The following LSAMP variants were observed in gnomAD, a reference collection of about 807,000 sequenced individuals.
LSAMP encodes limbic system associated membrane protein, also known as limbic system-associated membrane protein.
LSAMP carries 7 observed loss-of-function variants against 38.6 expected under a neutral mutation model. That is an observed-to-expected ratio of 0.18 (90% CI 0.10 to 0.34). The LOEUF is 0.34. Among genes scored for constraint, LSAMP ranks in the 10% least tolerant of loss-of-function variants. The pLI, the probability that LSAMP is intolerant of heterozygous loss-of-function variation, is 1.00. For synonymous variants in LSAMP, 154 were observed against 166.8 expected (o/e 0.92, Z 0.59); for missense variants, 313 against 420.0 (o/e 0.75, Z 2.23).
intron 3 of LSAMP, among the ~76,000 whole-genome samples, chr3:115,875,690 T>G (rs1936162632): frequency 6.6e-6 from 1 of 152,096 alleles, no homozygotes; most frequent in Non-Finnish European, 1.5e-5. Flanking sequence ...TTGTCCTCAT[T>G]GTTCTTACCT....
At chr3:116,219,555 A>AT (rs535413616) in intron 1 of LSAMP, among the ~76,000 whole-genome samples, 219 of 152,270 alleles carry the variant, frequency 1.4e-3, no homozygotes, top group African/African-American at 5.1e-3. Context: ...TGGCTACACC[A>AT]TTTTGCATTC....
intron 1 of LSAMP, among the ~76,000 whole-genome samples, chr3:116,273,199 C>T (rs1337762072): frequency 1.3e-5 from 2 of 152,050 alleles, no homozygotes; most frequent in Non-Finnish European, 2.9e-5. Flanking sequence ...CCTATCTCCA[C>T]CTCATCTTAT....
chr3:116,242,299 A>G (rs2046547638), intron 1 of LSAMP, among the ~76,000 whole-genome samples: 1 of 152,248 alleles, frequency 6.6e-6, no homozygotes. Context: ...TCTTTTAATC[A>G]GCTTATTAAA....
chr3:115,931,186 G>A (rs1937575435), intron 3 of LSAMP, among the ~76,000 whole-genome samples: 1 of 152,070 alleles, frequency 6.6e-6, no homozygotes, highest in African/African-American at 2.4e-5. Context: ...CTAACCCAGA[G>A]GAGAGAACTG....
chr3:116,016,303 A>G (rs1244972684), intron 3 of LSAMP, among the ~76,000 whole-genome samples: 1 of 152,204 alleles, frequency 6.6e-6, no homozygotes, highest in Non-Finnish European at 1.5e-5. Context: ...TATTTAGGTC[A>G]CATGTGAAAG....
chr3:115,826,300 A>G (rs1196067730), intron 6 of LSAMP, among the ~76,000 whole-genome samples: 1 of 151,688 alleles, frequency 6.6e-6, no homozygotes, highest in Non-Finnish European at 1.5e-5. Flanking sequence ...ATTTTTTAGT[A>G]GAGACGGGGT....
chr3:116,210,368 A>G lies in LSAMP; in HGVS notation c.156-123812T>C, dbSNP rs186717957. ...TCAACTGCCAGTGCGGCTTGAATAA[A>G]GCAGTCAGGAGAAGGTGGAAGAGCA... On this transcript the variant is annotated intron_variant, in intron 1 of 6. Transcript: ENST00000490035. Among the ~76,000 whole-genome samples the G allele has an allele frequency of 3.3e-5, 5 of 152,312 alleles. No individual in the cohort carries two copies. In the East Asian group the frequency reaches 9.7e-4, roughly 29 times the overall value.
rs572923285 is a variant in LSAMP at position 116,208,106 on chromosome 3, A to G, written c.156-121550T>C. Reference sequence around the variant, plus strand: ...TTGGAGGCTTTGCTCATTTCTTTTTATTCTTTTTTCTCTAAACTTCCCTTC... The same window carrying G: ...TTGGAGGCTTTGCTCATTTCTTTTTGTTCTTTTTTCTCTAAACTTCCCTTC... On this transcript the variant is annotated intron_variant, in intron 1 of 6. Transcript: ENST00000490035. Among the ~76,000 whole-genome samples, 460 of 150,336 alleles carry G rather than the reference A, an allele frequency of 3.1e-3. 1 individual carries two copies. The highest frequency in any genetic ancestry group is 0.011 in the African/African-American group (433 of 40,820).
At chr3:116,346,493 T>C (rs1056033847) in intron 1 of LSAMP, among the ~76,000 whole-genome samples, 1 of 152,064 alleles carries the variant, frequency 6.6e-6, no homozygotes, top group Admixed American at 6.6e-5. Flanking sequence ...CACACCTGGC[T>C]AATTTTTGTA....
intron 1 of LSAMP, among the ~76,000 whole-genome samples, chr3:116,298,740 A>T (rs1487181703): frequency 6.6e-6 from 1 of 152,198 alleles, no homozygotes; most frequent in Non-Finnish European, 1.5e-5. Context: ...ATAATTTTCA[A>T]GTTGGGCTTA....
chr3:115,927,672 C>A (rs1221996005), intron 3 of LSAMP, among the ~76,000 whole-genome samples: 1 of 152,168 alleles, frequency 6.6e-6, no homozygotes, highest in East Asian at 1.9e-4. Flanking sequence ...GGACTTCCTG[C>A]TCTTCTTTAA....
At position 115,905,818 on chromosome 3, in the gene LSAMP, C is replaced by A. The variant is rs368947545; in HGVS notation, c.515-53201G>T. ...TCTCATCCTGGCTGCTTCTCAGGAG[C>A]ATCTCTCATTCTAGGGCATCAGGAA... On this transcript the variant is annotated intron_variant, in intron 3 of 6. Transcript: ENST00000490035. Among the ~76,000 whole-genome samples, 10 of 152,226 alleles carry A rather than the reference C, an allele frequency of 6.6e-5. No individual in the cohort carries two copies. In the South Asian group the frequency reaches 1.2e-3, roughly 19 times the overall value.
chr3:116,133,875 G>T (rs1037618359), intron 1 of LSAMP, among the ~76,000 whole-genome samples: 1 of 152,050 alleles, frequency 6.6e-6, no homozygotes, highest in African/African-American at 2.4e-5. Context: ...TTCCCAATTG[G>T]TGTATTCCCA....
intron 1 of LSAMP, among the ~76,000 whole-genome samples, chr3:116,269,188 G>T (rs2046937025): frequency 6.6e-6 from 1 of 152,020 alleles, no homozygotes; most frequent in Non-Finnish European, 1.5e-5. Flanking sequence ...ATAAGTGAAA[G>T]AATTTAATAG....
chr3:115,944,754 G>A (rs1206328833), intron 3 of LSAMP, among the ~76,000 whole-genome samples: 4 of 152,154 alleles, frequency 2.6e-5, no homozygotes, highest in South Asian at 4.1e-4. Flanking sequence ...ACATATCTTA[G>A]AGGTGGCTGA....
chr3:115,922,381 C>T lies in LSAMP; in HGVS notation c.515-69764G>A, dbSNP rs1336308691. Among the ~76,000 whole-genome samples the T allele has an allele frequency of 7.2e-5, 11 of 152,162 alleles. No homozygotes were observed. In the East Asian group the frequency reaches 1.9e-3, roughly 27 times the overall value. ...TATTGACTATCTCTAATGAATATTT[C>T]AGTTCAGAGCATTCTCCAGCTCCAA... On this transcript the variant is annotated intron_variant, in intron 3 of 6. Coordinates refer to ENST00000490035, the MANE Select transcript of LSAMP (RefSeq NM_002338.5).
intron 4 of LSAMP, among the ~76,000 whole-genome samples, chr3:115,848,816 A>G (rs1031068307): frequency 6.6e-6 from 1 of 152,208 alleles, no homozygotes; most frequent in Non-Finnish European, 1.5e-5. Flanking sequence ...CAGCTGTTCA[A>G]TGGGGCGGGG....
chr3:116,124,071 T>C (rs544987801), intron 1 of LSAMP, among the ~76,000 whole-genome samples: 3 of 152,280 alleles, frequency 2.0e-5, no homozygotes, highest in Admixed American at 2.0e-4. Context: ...AACATGCTTT[T>C]CATATGTGTT....
chr3:115,943,841 C>T (rs1938010063), intron 3 of LSAMP, among the ~76,000 whole-genome samples: 1 of 152,176 alleles, frequency 6.6e-6, no homozygotes, highest in African/African-American at 2.4e-5. Context: ...AACACCTGAA[C>T]CAGTCCTCAA....
Sources: allele counts gnomAD v4.1 joint callset (sites outside exome capture counted in the v4.1 genomes callset), GRCh38; gene constraint gnomAD v4.1.1; transcripts MANE v1.5; gene names NCBI Gene and HGNC (gene_info 2026-07-23, HGNC 2026-07-21).